The following CARMIL1 variants were observed in gnomAD, a reference collection of about 807,000 sequenced individuals.
CARMIL1 encodes the protein F-actin-uncapping protein LRRC16A.
A neutral mutation model predicts 177.1 loss-of-function variants in CARMIL1; 90 were observed. That is an observed-to-expected ratio of 0.51 (90% CI 0.43 to 0.61). CARMIL1 has a LOEUF of 0.61. Ranked by LOEUF, CARMIL1 falls within the 20% of genes least tolerant of loss-of-function variation. CARMIL1 has a pLI of 0.00. For missense variants in CARMIL1, 1,380 were observed against 1,667.0 expected (o/e 0.83, Z 3.00); for synonymous variants, 577 against 606.2 (o/e 0.95, Z 0.71).
chr6:25,292,603 C>T lies in CARMIL1; in HGVS notation c.138+7694C>T, dbSNP rs568881280. Among the ~76,000 whole-genome samples the T allele has an allele frequency of 1.8e-4, 28 of 152,306 alleles. 1 individual carries two copies. In the South Asian group the frequency reaches 5.8e-3, roughly 32 times the overall value. On this transcript the variant is annotated intron_variant, in intron 2 of 36. Coordinates refer to ENST00000329474, the MANE Select transcript of CARMIL1 (RefSeq NM_017640.6). ...ACCTGAGCTGCATTTACATTCTACT[C>T]TCTCCTCATCTGCAACTGCCCCAGT...
Position 25,561,387 on chromosome 6 carries a change from A to G in CARMIL1, c.2742+4537A>G, listed in dbSNP as rs534010776. Reference sequence around the variant, plus strand: ...TCACTAATTGTATGTAATTCTTTCAATTATTTTAATGAGCGTCATACCAGT... The same window carrying G: ...TCACTAATTGTATGTAATTCTTTCAGTTATTTTAATGAGCGTCATACCAGT... On this transcript the variant is annotated intron_variant, in intron 29 of 36. Coordinates refer to ENST00000329474, the MANE Select transcript of CARMIL1 (RefSeq NM_017640.6). 3.7e-4 allele frequency among the ~76,000 whole-genome samples: 56 copies of G among 152,304 alleles called. 1 individual carries two copies. The East Asian group carries it at 8.5e-3, about 23-fold the overall frequency.
chr6:25,350,429 G>A (rs1431636937), intron 2 of CARMIL1, among the ~76,000 whole-genome samples: 1 of 152,124 alleles, frequency 6.6e-6, no homozygotes, highest in Non-Finnish European at 1.5e-5. Context: ...CTGCAGCACT[G>A]GGGCCACCGT....
At chr6:25,295,182 A>T (rs1226863736) in intron 2 of CARMIL1, among the ~76,000 whole-genome samples, 1 of 152,190 alleles carries the variant, frequency 6.6e-6, no homozygotes, top group Non-Finnish European at 1.5e-5. Flanking sequence ...AAAAAAAATC[A>T]GTATTTTTCA....
intron 4 of CARMIL1, among the ~76,000 whole-genome samples, chr6:25,430,777 T>G (rs567416269): frequency 6.6e-5 from 10 of 152,354 alleles, no homozygotes; most frequent in African/African-American, 2.2e-4. Flanking sequence ...CTTAATGATA[T>G]AGATCCATTT....
intron 9 of CARMIL1, among the ~76,000 whole-genome samples, chr6:25,469,348 T>G (rs1800898531): frequency 6.6e-6 from 1 of 152,226 alleles, no homozygotes; most frequent in Non-Finnish European, 1.5e-5. Flanking sequence ...TTAATCCAGT[T>G]GGGTATTTGT....
chr6:25,502,273 A>G (rs184087889), intron 17 of CARMIL1, among the ~76,000 whole-genome samples: 1 of 151,726 alleles, frequency 6.6e-6, no homozygotes, highest in African/African-American at 2.4e-5. Context: ...ACAAAAAAAA[A>G]ACACCAGGCT....
chr6:25,578,049 T>G (rs1227059733), intron 29 of CARMIL1, among the ~76,000 whole-genome samples: 1 of 152,190 alleles, frequency 6.6e-6, no homozygotes, highest in Non-Finnish European at 1.5e-5. Context: ...TAAGATAAGT[T>G]AATTTTGTCT....
chr6:25,490,754 A>C (rs2147221), intron 13 of CARMIL1, among the ~76,000 whole-genome samples: 1 of 29,524 alleles, frequency 3.4e-5, no homozygotes, highest in Non-Finnish European at 6.2e-5. Context: ...AATAAATAAA[A>C]AAAAATAAAT....
chr6:25,383,225 G>C (rs573355781), intron 2 of CARMIL1, among the ~76,000 whole-genome samples: 1 of 152,160 alleles, frequency 6.6e-6, no homozygotes, highest in Non-Finnish European at 1.5e-5. Flanking sequence ...TGGGTCTGTT[G>C]TTGGGAATAA....
At chr6:25,459,266 C>CTTTCTTTCTTTCTTTCTTTTTTTTTTT in intron 8 of CARMIL1, among the ~76,000 whole-genome samples, 2 of 73,770 alleles carry the variant, frequency 2.7e-5, no homozygotes, top group South Asian at 4.2e-4. Context: ...TTCTTTCTTT[C>CTTTCTTTCTTTCTTTCTTTTTTTTTTT]TTTTTTTTTT....
intron 2 of CARMIL1, among the ~76,000 whole-genome samples, chr6:25,356,641 A>G (rs1788650381): frequency 1.3e-5 from 2 of 152,176 alleles, no homozygotes; most frequent in Admixed American, 6.5e-5. Flanking sequence ...CGTATAGCCC[A>G]TATGTTAGTG....
chr6:25,452,151 C>G lies in CARMIL1; in HGVS notation c.614+1440C>G, dbSNP rs773889313. On this transcript the variant is annotated intron_variant, in intron 8 of 36. Coordinates refer to ENST00000329474, the MANE Select transcript of CARMIL1 (RefSeq NM_017640.6). Reference sequence around the variant, plus strand: ...CTCCTCTTTGCACAGCCTGGGACTACGGAAGATGGTGAAGCAGGCTCAGCT... The same window carrying G: ...CTCCTCTTTGCACAGCCTGGGACTAGGGAAGATGGTGAAGCAGGCTCAGCT... The G allele has an allele frequency of 1.2e-5, 9 of 764,768 alleles. No individual in the cohort carries two copies. The African/African-American group carries it at 1.5e-4, about 13-fold the overall frequency. The allele number at this position is 764,768 out of a possible 1,614,324, so 47.4% of individuals were successfully genotyped here. A position where few individuals can be genotyped will look rare whatever the true frequency, so the allele number is the denominator to read the frequency against.
intron 2 of CARMIL1, among the ~76,000 whole-genome samples, chr6:25,356,478 T>A (rs1281719085): frequency 6.6e-6 from 1 of 152,194 alleles, no homozygotes; most frequent in Non-Finnish European, 1.5e-5. Context: ...AGATTTGGTT[T>A]AAAGAGAGGG....
chr6:25,525,986 A>C (rs111834347), intron 23 of CARMIL1, among the ~76,000 whole-genome samples: 66 of 152,226 alleles, frequency 4.3e-4, no homozygotes, highest in African/African-American at 1.5e-3. Flanking sequence ...CATAATTGAC[A>C]GGTCAGAAAA....
chr6:25,538,035 T>C, intron 25 of CARMIL1, 52 bp downstream of exon 25: 5 of 1,510,510 alleles, frequency 3.3e-6, no homozygotes, highest in Non-Finnish European at 4.4e-6. Context: ...AAACGTTTCA[T>C]AAAATTTAGT....
At chr6:25,555,382 TATTCATTC>T (rs61571019) in intron 28 of CARMIL1, among the ~76,000 whole-genome samples, 55,983 of 150,222 alleles carry the variant, frequency 0.37, 10,502 homozygotes, top group African/African-American at 0.42. Context: ...AGCAATAGAG[TATTCATTC>T]ATTCATTCAT....
At chr6:25,412,270 C>A (rs1304038707) in intron 2 of CARMIL1, among the ~76,000 whole-genome samples, 1 of 152,208 alleles carries the variant, frequency 6.6e-6, no homozygotes, top group Non-Finnish European at 1.5e-5. Flanking sequence ...GTAAATATTT[C>A]TCTCATTTTT....
At chr6:25,503,264 C>G (rs1436845416) in intron 17 of CARMIL1, among the ~76,000 whole-genome samples, 1 of 152,178 alleles carries the variant, frequency 6.6e-6, no homozygotes, top group African/African-American at 2.4e-5. Context: ...GTTCTCCCCA[C>G]TTATAACCTG....
intron 31 of CARMIL1, among the ~76,000 whole-genome samples, chr6:25,591,023 A>G (rs897372817): frequency 1.7e-4 from 26 of 152,110 alleles, no homozygotes; most frequent in African/African-American, 6.3e-4. Context: ...TTTACATTCT[A>G]ATATATGCAC....
Sources: allele counts gnomAD v4.1 joint callset (sites outside exome capture counted in the v4.1 genomes callset), GRCh38; gene constraint gnomAD v4.1.1; transcripts MANE v1.5; gene names NCBI Gene and HGNC (gene_info 2026-07-23, HGNC 2026-07-21).